The following ZNF808 variants were observed in gnomAD, a reference collection of about 807,000 sequenced individuals.
The protein encoded by ZNF808 is zinc finger protein 808.
ZNF808 carries 5 observed loss-of-function variants against 8.7 expected under a neutral mutation model. The ratio of observed to expected loss-of-function variants is 0.58; its 90% CI spans 0.30 to 1.21. The LOEUF (loss-of-function observed/expected upper bound fraction) is 1.21, where lower values mean the gene tolerates loss of function less well. ZNF808 is among the 50% of genes most tolerant of loss of function. The probability of loss-of-function intolerance (pLI) is 0.07; values close to 1 mark genes in which losing one functional copy is unlikely to be tolerated. For missense variants in ZNF808, 1,103 were observed against 1,098.4 expected, an observed-to-expected ratio of 1.00 and a Z score of -0.06; for synonymous variants, 380 against 366.0, an observed-to-expected ratio of 1.04 and a Z score of -0.44.
In ZNF808 at chr19:52,554,122, T is replaced by A. The variant is rs2059807382; in HGVS notation, c.1206T>A (p.Asn402Lys). 1 of 1,614,072 alleles carries A rather than the reference T, an allele frequency of 6.2e-7. No homozygotes were observed. The highest frequency in any genetic ancestry group is 1.1e-5 in the South Asian group (1 of 91,086). The change falls in exon 5 of 5, where the codon AAT becomes AAA. Residue 402 changes from asparagine to lysine, a missense_variant. Physicochemically the swap from Asn to Lys is moderately conservative, Grantham distance 94. Coordinates refer to ENST00000359798, the MANE Select transcript of ZNF808 (RefSeq NM_001039886.4). Reference protein sequence around the residue: ...IHSGEKTYKCNECGKAFNHQS... With the variant: ...IHSGEKTYKCKECGKAFNHQS... The stretch of plus-strand genomic sequence containing the variant: ...GTGGAGAGAAAACATACAAGTGTAA[T>A]GAGTGTGGTAAGGCTTTTAATCATC...
chr19:52,541,088 A>G (rs1177405931), intron 2 of ZNF808, among the ~76,000 whole-genome samples: 2 of 151,988 alleles, frequency 1.3e-5, no homozygotes, highest in Non-Finnish European at 2.9e-5. Flanking sequence ...AGTAGCAGGG[A>G]CTACAGGCCC....
chr19:52,559,649 G>A (rs1370519849), downstream of ZNF808, among the ~76,000 whole-genome samples: 1 of 152,154 alleles, frequency 6.6e-6, no homozygotes, highest in Admixed American at 6.5e-5. Context: ...TGGAGGGGCA[G>A]GCCACCCCTT....
chr19:52,528,853 G>A (rs1294563197), intron 1 of ZNF808, among the ~76,000 whole-genome samples: 1 of 151,966 alleles, frequency 6.6e-6, no homozygotes, highest in African/African-American at 2.4e-5. Context: ...GATTGAGGAC[G>A]ATTGAAAGAT....
At chr19:52,537,722 A>C (rs1190133242) in intron 2 of ZNF808, among the ~76,000 whole-genome samples, 4 of 151,788 alleles carry the variant, frequency 2.6e-5, no homozygotes, top group Non-Finnish European at 5.9e-5. Flanking sequence ...GACTTTGGGT[A>C]CAGATGAGTG....
intron 2 of ZNF808, among the ~76,000 whole-genome samples, chr19:52,539,545 GTGGTTTTTT>G (rs1032465555): frequency 2.4e-5 from 2 of 84,236 alleles, no homozygotes; most frequent in African/African-American, 9.5e-5. Context: ...TTTTGTTGTG[GTGGTTTTTT>G]TTTTTTTTTT....
At chr19:52,532,729 C>A (rs1262297831) in intron 1 of ZNF808, among the ~76,000 whole-genome samples, 179 bp from the exon 2 acceptor site, 1 of 120,238 alleles carries the variant, frequency 8.3e-6, no homozygotes, top group Non-Finnish European at 1.7e-5. Flanking sequence ...ATTTGAAGTA[C>A]ACGTAAAGTA....
chr19:52,558,459 C>T (rs1168762514), downstream of ZNF808, among the ~76,000 whole-genome samples: 1 of 151,280 alleles, frequency 6.6e-6, no homozygotes, highest in African/African-American at 2.4e-5. Flanking sequence ...GCAACTTCCA[C>T]CTCCCAGGTT....
intron 1 of ZNF808, among the ~76,000 whole-genome samples, chr19:52,529,749 G>A (rs1289885693): frequency 6.6e-6 from 1 of 151,880 alleles, no homozygotes; most frequent in Non-Finnish European, 1.5e-5. Context: ...TTGAGTCAGG[G>A]TCTGGCTGTA....
chr19:52,532,290 A>G (rs58325433), intron 1 of ZNF808, among the ~76,000 whole-genome samples: 6,244 of 152,026 alleles, frequency 0.041, 395 homozygotes, highest in African/African-American at 0.14. Context: ...CAGTGGCACA[A>G]TCTTGGCTCA....
intron 1 of ZNF808, among the ~76,000 whole-genome samples, chr19:52,528,859 A>G (rs1424350322): frequency 2.0e-5 from 3 of 152,036 alleles, no homozygotes; most frequent in African/African-American, 7.2e-5. Context: ...GGACGATTGA[A>G]AGATTGGGGA....
chr19:52,567,486 T>TTA (rs1568496925), downstream of ZNF808, among the ~76,000 whole-genome samples: 1,052 of 37,152 alleles, frequency 0.028, 4 homozygotes, highest in African/African-American at 0.056. Flanking sequence ...AGCTGTATTT[T>TTA]TTATTATTAT....
intron 4 of ZNF808, among the ~76,000 whole-genome samples, chr19:52,549,481 C>G (rs533371593): frequency 4.6e-5 from 7 of 152,294 alleles, no homozygotes; most frequent in Admixed American, 6.5e-5. Flanking sequence ...GCTTTCACCT[C>G]AGGCCACCAT....
At chr19:52,536,396 G>C (rs1001975041) in intron 2 of ZNF808, among the ~76,000 whole-genome samples, 1 of 152,002 alleles carries the variant, frequency 6.6e-6, no homozygotes, top group Non-Finnish European at 1.5e-5. Context: ...CTCCGTCTTC[G>C]GCCCCTGGAG....
At chr19:52,548,094 G>T (rs990656771) in intron 4 of ZNF808, among the ~76,000 whole-genome samples, 3 of 152,048 alleles carry the variant, frequency 2.0e-5, no homozygotes, top group Non-Finnish European at 2.9e-5. Flanking sequence ...CTGTGACAAC[G>T]TTCATCCCAT....
intron 1 of ZNF808, among the ~76,000 whole-genome samples, chr19:52,528,483 A>T (rs1336736959): frequency 1.3e-5 from 2 of 152,230 alleles, no homozygotes; most frequent in Non-Finnish European, 2.9e-5. Context: ...ATGCCAAGAT[A>T]TGGTGAAAGT....
intron 4 of ZNF808, among the ~76,000 whole-genome samples, chr19:52,550,267 G>T (rs1379179455): frequency 2.0e-5 from 3 of 150,676 alleles, no homozygotes; most frequent in Non-Finnish European, 4.4e-5. Flanking sequence ...TTTTGCTCCC[G>T]TTGCCCAGGC....
At chr19:52,562,669 A>T (rs2059861783) in intron 3 of ZNF808, among the ~76,000 whole-genome samples, 1 of 152,232 alleles carries the variant, frequency 6.6e-6, no homozygotes, top group African/African-American at 2.4e-5. Flanking sequence ...ATGCATAGTG[A>T]ACTACATAAC....
chr19:52,543,473 C>G, intron 3 of ZNF808, 126 bp downstream of exon 3: 1 of 1,401,184 alleles, frequency 7.1e-7, no homozygotes, highest in Non-Finnish European at 9.6e-7. Context: ...TTTTGCCTGA[C>G]ACGTTCACTT....
intron 2 of ZNF808, chr19:52,535,853 G>C (rs1349270793): frequency 6.6e-6 from 1 of 152,320 alleles, no homozygotes; most frequent in African/African-American, 2.4e-5. Flanking sequence ...GGTGCGAGGC[G>C]GAGGGATGCA....
Sources: gnomAD v4.1 joint callset for allele counts (sites outside exome capture counted in the v4.1 genomes callset) on GRCh38, gnomAD v4.1.1 for gene constraint, MANE v1.5 for transcripts, NCBI Gene and HGNC (gene_info 2026-07-23, HGNC 2026-07-21) for gene names.